INTS4: variants seen among roughly 807,000 people sequenced by gnomAD.
INTS4 encodes the protein MSTP093.
In INTS4, 70 loss-of-function variants were observed where a neutral mutation model predicts 119.5. That is an observed-to-expected ratio of 0.59 (90% confidence interval 0.48 to 0.71). The LOEUF (loss-of-function observed/expected upper bound fraction) is 0.71, where lower values mean the gene tolerates loss of function less well. Among genes scored for constraint, INTS4 ranks in the 30% least tolerant of loss-of-function variants. The pLI, the probability that INTS4 is intolerant of heterozygous loss-of-function variation, is 0.00. For synonymous variants in INTS4, 316 were observed against 419.6 expected, an observed-to-expected ratio of 0.75 and a Z score of 3.02; for missense variants, 867 against 1,173.2, an observed-to-expected ratio of 0.74 and a Z score of 3.81.
chr11:77,948,969 G>A (rs566998025), intron 8 of INTS4, among the ~76,000 whole-genome samples: 2 of 152,086 alleles, frequency 1.3e-5, no homozygotes, highest in African/African-American at 4.8e-5. Context: ...CATCAAAAAA[G>A]AAGAACAATC....
Position 77,961,125 on chromosome 11 carries a change from G to GT in INTS4, c.484dup (p.Thr162AsnfsTer8). Reference sequence around the variant, plus strand: ...GCACTTATTTCTTACACCATGAGACGTATCTGTCAGATGCTATTAAAAAAA... The same window carrying GT: ...GCACTTATTTCTTACACCATGAGACGTTATCTGTCAGATGCTATTAAAAAAA... On this transcript the variant is annotated frameshift_variant, in exon 5 of 23. Coordinates refer to ENST00000534064, the MANE Select transcript of INTS4 (RefSeq NM_033547.4). LOFTEE classifies it high-confidence loss of function. 2 of 1,483,840 alleles carry GT rather than the reference G, an allele frequency of 1.3e-6. No individual in the cohort carries two copies. Among genetic ancestry groups the GT allele is most frequent in the Non-Finnish European group, 1.8e-6 (2 of 1,102,550 alleles). The allele number at this position is 1,483,840 out of a possible 1,614,324, so 91.9% of individuals were successfully genotyped here.
chr11:77,909,779 G>C (rs953908706), intron 15 of INTS4, among the ~76,000 whole-genome samples: 6 of 152,224 alleles, frequency 3.9e-5, no homozygotes, highest in African/African-American at 1.4e-4. Context: ...AGTTGTGCTA[G>C]AATTATTGGT....
At chr11:77,914,743 C>A (rs1344421733) in intron 15 of INTS4, among the ~76,000 whole-genome samples, 1 of 152,156 alleles carries the variant, frequency 6.6e-6, no homozygotes, top group Non-Finnish European at 1.5e-5. Flanking sequence ...ATCTTACATA[C>A]AAAAGCAGGC....
chr11:77,893,891 T>TTAAATAAATAAATAAATAAA (rs56269909), intron 19 of INTS4, among the ~76,000 whole-genome samples: 2,058 of 137,854 alleles, frequency 0.015, 28 homozygotes, highest in Non-Finnish European at 0.018. Flanking sequence ...AGACTCTGTC[T>TTAAATAAATAAATAAATAAA]TAAATAAATA....
chr11:77,932,951 C>A (rs1207254108), intron 10 of INTS4, among the ~76,000 whole-genome samples: 1 of 110,728 alleles, frequency 9.0e-6, no homozygotes, highest in African/African-American at 3.6e-5. Flanking sequence ...CACACTGGGG[C>A]CTGTCAGGGG....
intron 4 of INTS4, among the ~76,000 whole-genome samples, chr11:77,962,293 G>A (rs1954494959): frequency 6.6e-6 from 1 of 152,182 alleles, no homozygotes; most frequent in Non-Finnish European, 1.5e-5. Context: ...CAAAAAAGAA[G>A]ATATTGCCAA....
chr11:77,880,956 AAAAC>A (rs376608921), intron 22 of INTS4, among the ~76,000 whole-genome samples: 201 of 152,220 alleles, frequency 1.3e-3, no homozygotes, highest in African/African-American at 4.4e-3. Flanking sequence ...AAAAAACAAA[AAAAC>A]AAATAAATCC....
chr11:77,925,748 TG>T (rs916147441), intron 11 of INTS4, among the ~76,000 whole-genome samples: 1 of 152,250 alleles, frequency 6.6e-6, no homozygotes, highest in Non-Finnish European at 1.5e-5. Flanking sequence ...CTTCATCTCA[TG>T]CCACATTTCT....
chr11:77,975,665 G>A (rs1341839445), intron 4 of INTS4, among the ~76,000 whole-genome samples: 2 of 152,008 alleles, frequency 1.3e-5, no homozygotes, highest in Non-Finnish European at 2.9e-5. Context: ...ACCCTATTAA[G>A]AACCTCTACA....
chr11:77,969,591 C>G (rs1855632205), intron 4 of INTS4, among the ~76,000 whole-genome samples: 1 of 152,110 alleles, frequency 6.6e-6, no homozygotes, highest in Non-Finnish European at 1.5e-5. Context: ...TCAAGCTGAT[C>G]TTGAACACCT....
At chr11:77,928,721 C>T (rs1430861471) in intron 10 of INTS4, among the ~76,000 whole-genome samples, 174 bp from the exon 11 acceptor site, 6 of 152,084 alleles carry the variant, frequency 3.9e-5, no homozygotes, top group South Asian at 2.1e-4. Context: ...TGGTAGCGTG[C>T]GCCTGTTGTC....
intron 14 of INTS4, 81 bp downstream of exon 14, chr11:77,921,259 C>G: frequency 7.0e-7 from 1 of 1,431,056 alleles, no homozygotes; most frequent in Non-Finnish European, 9.7e-7. Flanking sequence ...AACAAGACCC[C>G]CATCTCAAAG....
At chr11:77,981,437 G>C (rs1207368327) in intron 3 of INTS4, 22 bp downstream of exon 3, 1 of 1,218,366 alleles carries the variant, frequency 8.2e-7, no homozygotes, top group East Asian at 2.5e-5. Flanking sequence ...TCTGACTATA[G>C]AGCTTTTAAA....
At chr11:77,987,618 T>C (rs1431416527) in intron 2 of INTS4, 2 of 450,238 alleles carry the variant, frequency 4.4e-6, no homozygotes, top group East Asian at 7.3e-5. Context: ...GTAATCCCAA[T>C]CCTTTGGGAG....
chr11:77,965,403 T>C (rs772918628), intron 4 of INTS4, among the ~76,000 whole-genome samples: 1 of 152,204 alleles, frequency 6.6e-6, no homozygotes, highest in Non-Finnish European at 1.5e-5. Flanking sequence ...TCACCTGCTA[T>C]GTAATAGATC....
At chr11:77,940,415 A>T (rs936119539) in intron 9 of INTS4, among the ~76,000 whole-genome samples, 9 of 152,084 alleles carry the variant, frequency 5.9e-5, no homozygotes, top group African/African-American at 2.2e-4. Flanking sequence ...TGGGCAATAG[A>T]GTGAGACCCT....
chr11:77,885,353 A>G (rs1034343504), intron 21 of INTS4, among the ~76,000 whole-genome samples: 2 of 152,038 alleles, frequency 1.3e-5, no homozygotes, highest in African/African-American at 4.8e-5. Context: ...TTGGGATTAC[A>G]GGCGTGAGCC....
intron 18 of INTS4, among the ~76,000 whole-genome samples, chr11:77,894,737 T>C (rs1321706880): frequency 1.3e-5 from 2 of 152,262 alleles, no homozygotes; most frequent in African/African-American, 4.8e-5. Context: ...CTGATTTAGA[T>C]CTCATCTCCT....
intron 15 of INTS4, chr11:77,910,917 T>C: frequency 9.9e-7 from 1 of 1,008,194 alleles, no homozygotes; most frequent in South Asian, 1.3e-5. Flanking sequence ...GCTGCCTCAT[T>C]ACTTTTTAAT....
Sources: allele counts gnomAD v4.1 joint callset (sites outside exome capture counted in the v4.1 genomes callset), GRCh38; gene constraint gnomAD v4.1.1; transcripts MANE v1.5; gene names NCBI Gene and HGNC (gene_info 2026-07-23, HGNC 2026-07-21).